Variants in HUNK observed in about 807,000 individuals in gnomAD.
HUNK encodes hormonally up-regulated neu tumor-associated kinase.
HUNK carries 21 observed loss-of-function variants against 61.0 expected under a neutral mutation model. The ratio of observed to expected loss-of-function variants is 0.34; its 90% CI spans 0.24 to 0.50. The LOEUF is 0.50. Ranked by LOEUF, HUNK falls within the 20% of genes least tolerant of loss-of-function variation. The pLI is 0.98. For missense variants in HUNK, 772 were observed against 945.7 expected (o/e 0.82, Z 2.41); for synonymous variants, 371 against 386.1 (o/e 0.96, Z 0.46).
At chr21:31,964,052 G>A (rs917498326) in intron 5 of HUNK, among the ~76,000 whole-genome samples, 1 of 152,084 alleles carries the variant, frequency 6.6e-6, no homozygotes, top group African/African-American at 2.4e-5. Context: ...ACAGAGTAGC[G>A]AATGCCTTTT....
chr21:31,891,053 C>G (rs995627484), intron 1 of HUNK, among the ~76,000 whole-genome samples: 7 of 152,138 alleles, frequency 4.6e-5, no homozygotes, highest in Admixed American at 1.3e-4. Flanking sequence ...CCCCCCAGCC[C>G]TGGCCCCCAA....
chr21:31,932,610 C>G (rs903511069), intron 2 of HUNK, among the ~76,000 whole-genome samples: 4 of 152,076 alleles, frequency 2.6e-5, no homozygotes, highest in Non-Finnish European at 5.9e-5. Context: ...AGGTCCTTTC[C>G]GGATCTCTGT....
In HUNK at chr21:31,998,982, T is replaced by C. The variant is rs56240027; in HGVS notation, c.1943T>C (p.Met648Thr). 2,328 of 1,614,212 alleles carry C rather than the reference T, an allele frequency of 1.4e-3. 3 individuals carry two copies. The highest frequency in any genetic ancestry group is 1.6e-3 in the African/African-American group (122 of 75,056). The stretch of plus-strand genomic sequence containing the variant: ...CCTCCGGTTCCCAGCAATGGCCCCA[T>C]GCAGCCTCTGGGGAGCCCCAATTGT... ...CPPPVPSNGP[M>T]QPLGSPNCVK... Residue 648 changes from methionine to threonine, a missense_variant, in exon 11 of 11, where the codon ATG (methionine) becomes ACG (threonine). Transcript: ENST00000270112.
chr21:31,876,951 C>T (rs1475622490), intron 1 of HUNK, among the ~76,000 whole-genome samples: 2 of 152,108 alleles, frequency 1.3e-5, no homozygotes, highest in African/African-American at 2.4e-5. Context: ...CCTGGCCCAT[C>T]CTTTTATAAA....
chr21:31,990,220 G>C, intron 9 of HUNK, 44 bp downstream of exon 9: 5 of 1,508,030 alleles, frequency 3.3e-6, no homozygotes, highest in Non-Finnish European at 4.6e-6. Flanking sequence ...GTTCTCCAGA[G>C]AAACAGAACC....
Position 31,965,675 on chromosome 21 carries a change from C to A in HUNK, c.875-2575C>A, listed in dbSNP as rs909064514. ...GGAGTGCAATGGCGTGATCTCAGCTCACTGCAAACTCTGCCTCCTGAGTTC... is the reference window on the plus strand; with the variant it reads ...GGAGTGCAATGGCGTGATCTCAGCTAACTGCAAACTCTGCCTCCTGAGTTC... On this transcript the variant is annotated intron_variant, in intron 5 of 10. Coordinates refer to ENST00000270112, the MANE Select transcript of HUNK (RefSeq NM_014586.2). 2.0e-5 allele frequency among the ~76,000 whole-genome samples: 3 copies of A among 149,318 alleles called. No homozygotes were observed. The Admixed American group carries it at 2.0e-4, about 10-fold the overall frequency.
At position 31,924,270 on chromosome 21, in the gene HUNK, G is replaced by A. The variant is rs185253396; in HGVS notation, c.262-198G>A. Among the ~76,000 whole-genome samples the A allele has an allele frequency of 6.7e-6, 1 of 149,944 alleles. No homozygotes were observed. Among genetic ancestry groups the A allele is most frequent in the Non-Finnish European group, 1.5e-5 (1 of 67,572 alleles). The stretch of plus-strand genomic sequence containing the variant: ...TTTTCCTAATGTTGTACCTATATGT[G>A]TGTGTGTGTGTGTGTTTGTGTGGTA... On this transcript the variant is annotated intron_variant, in intron 1 of 10. Transcript: ENST00000270112. The surrounding 1 kb of genome is among the most constrained non-coding windows in gnomAD (Gnocchi z 5.1).
intron 1 of HUNK, among the ~76,000 whole-genome samples, chr21:31,900,217 C>G (rs1193050403): frequency 1.3e-5 from 2 of 152,142 alleles, no homozygotes; most frequent in Admixed American, 6.6e-5. Context: ...AGTCCACAAA[C>G]TCTCCAGGCC....
intron 1 of HUNK, among the ~76,000 whole-genome samples, chr21:31,909,518 T>C (rs1021475484): frequency 6.6e-6 from 1 of 152,330 alleles, no homozygotes; most frequent in Non-Finnish European, 1.5e-5. Flanking sequence ...AGATCAGTCC[T>C]AATGAGCTTT....
chr21:32,000,815 C>G lies in HUNK; in HGVS notation c.*1631C>G, dbSNP rs8127140. ...CCCTCACATCTCTGACAGAGCGGGACAGAATGGATATTTGGCTGACCTTGG... is the reference window on the plus strand; with the variant it reads ...CCCTCACATCTCTGACAGAGCGGGAGAGAATGGATATTTGGCTGACCTTGG... On this transcript the variant is annotated 3_prime_UTR_variant, in exon 11 of 11. Coordinates refer to ENST00000270112, the MANE Select transcript of HUNK (RefSeq NM_014586.2). 0.74 allele frequency: 296,410 copies of G among 397,970 alleles called. 111,043 individuals are homozygous for G. Among genetic ancestry groups the G allele is most frequent in the Non-Finnish European group, 0.77 (174,954 of 225,974 alleles). The allele number at this position is 397,970 out of a possible 1,614,324, so 24.7% of individuals were successfully genotyped here. A position where few individuals can be genotyped will look rare whatever the true frequency, so the allele number is the denominator to read the frequency against.
At chr21:31,928,208 G>C (rs2052673969) in intron 2 of HUNK, among the ~76,000 whole-genome samples, 1 of 152,160 alleles carries the variant, frequency 6.6e-6, no homozygotes. Context: ...GGGAGCGGCA[G>C]ATCTTTCTGT....
At chr21:31,953,333 C>G (rs545393022) in intron 4 of HUNK, among the ~76,000 whole-genome samples, 50 of 151,506 alleles carry the variant, frequency 3.3e-4, no homozygotes, top group Admixed American at 2.2e-3. Context: ...CTCCCGGGTT[C>G]AAGAGATTCT....
At chr21:31,971,743 A>T (rs941365101) in intron 6 of HUNK, among the ~76,000 whole-genome samples, 3 of 152,126 alleles carry the variant, frequency 2.0e-5, no homozygotes. Context: ...ATGTCTTTGG[A>T]AGTAAATTTT....
chr21:31,963,357 C>G (rs1041251579), intron 5 of HUNK, among the ~76,000 whole-genome samples: 35 of 152,252 alleles, frequency 2.3e-4, no homozygotes, highest in African/African-American at 7.2e-4. Flanking sequence ...ACGCACCCCC[C>G]CTACAAAAAG....
chr21:31,992,301 G>A (rs1040313905), intron 9 of HUNK, among the ~76,000 whole-genome samples: 1 of 152,210 alleles, frequency 6.6e-6, no homozygotes, highest in Non-Finnish European at 1.5e-5. Context: ...CCTCCTGTAG[G>A]CATCTCCGTC....
chr21:31,989,713 CAAAAAAAA>C (rs758563763), intron 8 of HUNK, among the ~76,000 whole-genome samples: 1 of 80,302 alleles, frequency 1.2e-5, no homozygotes, highest in South Asian at 4.9e-4. Context: ...GACTCGGTCT[CAAAAAAAA>C]AAAAAAAAAA....
intron 9 of HUNK, among the ~76,000 whole-genome samples, chr21:31,990,464 C>G (rs560098886): frequency 8.6e-5 from 13 of 151,968 alleles, no homozygotes; most frequent in Non-Finnish European, 1.3e-4. Context: ...ATGAGACCCA[C>G]CCACATTATG....
At chr21:31,909,966 G>A (rs1361146871) in intron 1 of HUNK, among the ~76,000 whole-genome samples, 1 of 152,186 alleles carries the variant, frequency 6.6e-6, no homozygotes, top group Non-Finnish European at 1.5e-5. Context: ...GGAGCCCTCA[G>A]GCCCTTGTCA....
rs918679060 is a variant in HUNK at position 31,965,863 on chromosome 21, A to G, written c.875-2387A>G. ...GTGATCCACTCACCTCGTCCTCCCAAAGTGCTGGGATTACAGTTGTGAGCC... is the reference window on the plus strand; with the variant it reads ...GTGATCCACTCACCTCGTCCTCCCAGAGTGCTGGGATTACAGTTGTGAGCC... On this transcript the variant is annotated intron_variant, in intron 5 of 10. Transcript: ENST00000270112. Among the ~76,000 whole-genome samples the G allele has an allele frequency of 5.3e-5, 8 of 152,056 alleles. 1 individual carries two copies. Among genetic ancestry groups the G allele is most frequent in the African/African-American group, 1.9e-4 (8 of 41,496 alleles).
Sources: gnomAD v4.1 joint callset for allele counts (sites outside exome capture counted in the v4.1 genomes callset) on GRCh38, gnomAD v4.1.1 for gene constraint, Gnocchi (gnomAD v3.1) non-coding constraint, MANE v1.5 for transcripts, NCBI Gene and HGNC (gene_info 2026-07-23, HGNC 2026-07-21) for gene names.